RHOT1: variants seen among roughly 807,000 people sequenced by gnomAD.
The protein encoded by RHOT1 is mitochondrial Rho GTPase 1.
RHOT1 carries 27 observed loss-of-function variants against 95.3 expected under a neutral mutation model. The ratio of observed to expected loss-of-function variants is 0.28; its 90% CI spans 0.21 to 0.39. The LOEUF is 0.39. Among genes scored for constraint, RHOT1 ranks in the 10% least tolerant of loss-of-function variants. RHOT1 has a pLI of 1.00. For missense variants in RHOT1, 578 were observed against 786.7 expected, an observed-to-expected ratio of 0.73 and a Z score of 3.17; for synonymous variants, 227 against 263.5, an observed-to-expected ratio of 0.86 and a Z score of 1.34.
chr17:32,198,020 C>G (rs1429026054), intron 11 of RHOT1, among the ~76,000 whole-genome samples: 4 of 152,106 alleles, frequency 2.6e-5, no homozygotes, highest in Non-Finnish European at 4.4e-5. Context: ...TCAGCCTACC[C>G]AGTAGCTGGG....
At chr17:32,172,155 T>A (rs1480765087) in intron 2 of RHOT1, among the ~76,000 whole-genome samples, 1 of 152,236 alleles carries the variant, frequency 6.6e-6, no homozygotes, top group Non-Finnish European at 1.5e-5. Flanking sequence ...ATTGTTCAAA[T>A]AGGAATTTGA....
At position 32,203,908 on chromosome 17, in the gene RHOT1, G is replaced by A. The variant is rs1358212400; in HGVS notation, c.1351G>A (p.Glu451Lys). The A allele has an allele frequency of 6.2e-7, 1 of 1,612,968 alleles. No homozygotes were observed. The highest frequency in any genetic ancestry group is 2.2e-5 in the East Asian group (1 of 44,782). The change falls in exon 16 of 20, where the codon GAA (glutamate) becomes AAA (lysine). Residue 451 changes from glutamate to lysine, a missense_variant. This residue lies in a region of RHOT1 where 296 missense variants were observed against 338.5 expected (regional missense o/e 0.87). Coordinates refer to ENST00000545287, the MANE Select transcript of RHOT1 (RefSeq NM_001033566.3). The stretch of plus-strand genomic sequence containing the variant: ...TTTTCAGAGGCAGAAGAAAATTCGT[G>A]AAGATCATAAATCCTACTATGCGAT... ...RNLMRQKKIR[E>K]DHKSYYAINT...
chr17:32,199,132 C>A, intron 12 of RHOT1, 101 bp downstream of exon 12: 1 of 929,884 alleles, frequency 1.1e-6, no homozygotes, highest in Non-Finnish European at 1.7e-6. Context: ...TGTTACATAG[C>A]CAAAAACTGC....
intron 19 of RHOT1, among the ~76,000 whole-genome samples, chr17:32,220,805 C>CAAAAAA: frequency 1.0e-5 from 1 of 99,022 alleles, no homozygotes; most frequent in South Asian, 3.4e-4. Flanking sequence ...GACTCTGTCT[C>CAAAAAA]AAAAAAAAAA....
chr17:32,179,477 C>A (rs1331570313), intron 6 of RHOT1: 1 of 137,712 alleles, frequency 7.3e-6, no homozygotes, highest in Non-Finnish European at 1.6e-5. Context: ...AGCACCTCTG[C>A]CCGGCCGCCC....
chr17:32,145,258 C>T (rs2031133843), intron 1 of RHOT1, among the ~76,000 whole-genome samples: 1 of 152,070 alleles, frequency 6.6e-6, no homozygotes, highest in Admixed American at 6.6e-5. Flanking sequence ...TGAGATCACA[C>T]CACTGCATTC....
chr17:32,143,056 C>G, intron 1 of RHOT1: 1 of 664,638 alleles, frequency 1.5e-6, no homozygotes, highest in South Asian at 1.5e-5. Context: ...TCCTCCTTTT[C>G]CTCTTCGAAC....
In RHOT1 at chr17:32,175,378, CAG is replaced by C. The variant is rs1263525009; in HGVS notation, c.222+19_222+20del. On this transcript the variant is annotated intron_variant, in intron 4 of 19. Coordinates refer to ENST00000545287, the MANE Select transcript of RHOT1 (RefSeq NM_001033566.3). ...AATATCTCAGGTGAGCTTTAAAAAA[CAG>C]AGGTGTGGGGTTTTGTGTAGAAAAA... 1.9e-6 allele frequency: 3 copies of C among 1,607,390 alleles called. No individual in the cohort carries two copies. Among genetic ancestry groups the C allele is most frequent in the Non-Finnish European group, 1.7e-6 (2 of 1,173,914 alleles).
At chr17:32,154,889 A>G (rs1238558584) in intron 1 of RHOT1, among the ~76,000 whole-genome samples, 1 of 151,262 alleles carries the variant, frequency 6.6e-6, no homozygotes, top group Non-Finnish European at 1.5e-5. Context: ...GCAAGGATCC[A>G]TCTAAAAAAA....
At chr17:32,146,571 G>A (rs964589313) in intron 1 of RHOT1, among the ~76,000 whole-genome samples, 16 of 149,512 alleles carry the variant, frequency 1.1e-4, no homozygotes, top group African/African-American at 3.2e-4. Flanking sequence ...TCAGTCTCCC[G>A]AGTAGCTGGG....
At chr17:32,151,247 C>G in intron 1 of RHOT1, 1 of 714,106 alleles carries the variant, frequency 1.4e-6, no homozygotes, top group South Asian at 1.4e-5. Flanking sequence ...ATACTGTTGG[C>G]GGGTGAATGA....
intron 19 of RHOT1, among the ~76,000 whole-genome samples, chr17:32,222,316 T>A (rs558086921): frequency 2.6e-5 from 4 of 152,344 alleles, no homozygotes; most frequent in East Asian, 3.9e-4. Flanking sequence ...GATATATATT[T>A]GTAGTTTTTG....
chr17:32,190,756 T>C (rs2036429250), intron 8 of RHOT1, among the ~76,000 whole-genome samples: 1 of 152,210 alleles, frequency 6.6e-6, no homozygotes, highest in African/African-American at 2.4e-5. Context: ...TTATAGATGT[T>C]ATAGTCCATT....
At chr17:32,189,427 A>AT (rs1203237720) in intron 8 of RHOT1, among the ~76,000 whole-genome samples, 5 of 152,232 alleles carry the variant, frequency 3.3e-5, no homozygotes, top group African/African-American at 1.2e-4. Flanking sequence ...TCTTACAAGA[A>AT]TTTACCTCTG....
chr17:32,208,302 A>T lies in RHOT1; in HGVS notation c.1732A>T (p.Met578Leu). The change falls in exon 18 of 20, where the codon ATG becomes TTG. Residue 578 changes from methionine to leucine, a missense_variant. This residue lies in a region of RHOT1 where 296 missense variants were observed against 338.5 expected (regional missense o/e 0.87). Coordinates refer to ENST00000545287, the MANE Select transcript of RHOT1 (RefSeq NM_001033566.3). ...DIFVKLTTMA[M>L]YPHARLRCMC... ...CTTTGTTAAATTGACAACAATGGCC[A>T]TGTATCCGTAAGTACTTGCTGTCTT... 6.2e-7 allele frequency: 1 copy of T among 1,613,642 alleles called. No individual in the cohort carries two copies. Among genetic ancestry groups the T allele is most frequent in the Non-Finnish European group, 8.5e-7 (1 of 1,179,538 alleles).
intron 1 of RHOT1, among the ~76,000 whole-genome samples, chr17:32,152,010 A>G (rs2032368653): frequency 6.6e-6 from 1 of 152,092 alleles, no homozygotes; most frequent in African/African-American, 2.4e-5. Flanking sequence ...TTTATAATGT[A>G]GTGAGTGCTA....
intron 1 of RHOT1, among the ~76,000 whole-genome samples, chr17:32,145,774 G>A (rs2031227853): frequency 6.6e-6 from 1 of 152,048 alleles, no homozygotes; most frequent in African/African-American, 2.4e-5. Flanking sequence ...CAGCACTTTG[G>A]GAGGCCGAGG....
intron 19 of RHOT1, among the ~76,000 whole-genome samples, chr17:32,219,552 G>C (rs1392809801): frequency 6.6e-6 from 1 of 152,212 alleles, no homozygotes; most frequent in Non-Finnish European, 1.5e-5. Context: ...TGCCTTGTGT[G>C]ACTGTTCACA....
chr17:32,143,115 TTCTTG>T, intron 1 of RHOT1: 1 of 563,778 alleles, frequency 1.8e-6, no homozygotes, highest in Non-Finnish European at 3.5e-6. Flanking sequence ...CTTTCAGACC[TTCTTG>T]TCTTCTGGAG....
Sources: allele counts gnomAD v4.1 joint callset (sites outside exome capture counted in the v4.1 genomes callset), GRCh38; gene constraint gnomAD v4.1.1; regional missense constraint gnomAD v4.1.1; transcripts MANE v1.5; gene names NCBI Gene and HGNC (gene_info 2026-07-23, HGNC 2026-07-21).